Variants in DCLK1 observed in about 807,000 individuals in gnomAD.
DCLK1 encodes doublecortin like kinase 1.
In DCLK1, 16 loss-of-function variants were observed where a neutral mutation model predicts 86.2. The observed-to-expected ratio is 0.19, with a 90% CI of 0.13 to 0.28. The LOEUF (loss-of-function observed/expected upper bound fraction) is 0.28. Ranked by LOEUF, DCLK1 falls within the 10% of genes least tolerant of loss-of-function variation. DCLK1 has a pLI of 1.00. For missense variants in DCLK1, 590 were observed against 940.2 expected, an observed-to-expected ratio of 0.63 and a Z score of 4.87; for synonymous variants, 369 against 370.5, an observed-to-expected ratio of 1.00 and a Z score of 0.05.
chr13:35,971,809 T>C (rs1367992369), intron 3 of DCLK1, among the ~76,000 whole-genome samples: 3 of 151,822 alleles, frequency 2.0e-5, no homozygotes, highest in Non-Finnish European at 4.4e-5. Flanking sequence ...TCCCTGTTAA[T>C]GCTGGGCCCT....
chr13:35,872,783 T>C (rs1872360655), intron 4 of DCLK1, among the ~76,000 whole-genome samples: 1 of 152,190 alleles, frequency 6.6e-6, no homozygotes, highest in African/African-American at 2.4e-5. Flanking sequence ...CTAACATTTT[T>C]AATAGTGTAA....
chr13:35,847,099 A>G, intron 6 of DCLK1: 1 of 979,300 alleles, frequency 1.0e-6, no homozygotes. Context: ...AAAAAATCAT[A>G]GTATTCGATC....
At chr13:36,021,629 C>G (rs937184282) in intron 3 of DCLK1, among the ~76,000 whole-genome samples, 1 of 151,940 alleles carries the variant, frequency 6.6e-6, no homozygotes, top group African/African-American at 2.4e-5. Flanking sequence ...AATTTTAAGG[C>G]AAAAATTGTT....
chr13:36,015,868 A>C (rs1881519515), intron 3 of DCLK1, among the ~76,000 whole-genome samples: 1 of 152,162 alleles, frequency 6.6e-6, no homozygotes, highest in South Asian at 2.1e-4. Context: ...AAAAACATCA[A>C]TTTGTTAGAA....
intron 3 of DCLK1, among the ~76,000 whole-genome samples, chr13:36,098,132 T>C (rs1211354120): frequency 6.6e-6 from 1 of 152,208 alleles, no homozygotes; most frequent in Non-Finnish European, 1.5e-5. Flanking sequence ...CATTTATTGA[T>C]ATTATCCCTG....
chr13:35,807,704 C>T (rs2087056662), intron 14 of DCLK1, among the ~76,000 whole-genome samples: 1 of 152,150 alleles, frequency 6.6e-6, no homozygotes, highest in South Asian at 2.1e-4. Flanking sequence ...TTATATCTAT[C>T]TTTTTTTGGG....
chr13:35,905,787 A>T (rs953921292), intron 4 of DCLK1, among the ~76,000 whole-genome samples: 1 of 152,004 alleles, frequency 6.6e-6, no homozygotes, highest in African/African-American at 2.4e-5. Flanking sequence ...CTCTACTAAA[A>T]ATCCAAAAAA....
At chr13:35,949,884 C>T (rs150140686) in intron 3 of DCLK1, among the ~76,000 whole-genome samples, 34 of 120,250 alleles carry the variant, frequency 2.8e-4, no homozygotes, top group African/African-American at 8.9e-4. Flanking sequence ...ATGTTCTTTC[C>T]AACACTGAGA....
At chr13:36,082,999 TTAA>T (rs1884471341) in intron 3 of DCLK1, among the ~76,000 whole-genome samples, 1 of 147,398 alleles carries the variant, frequency 6.8e-6, no homozygotes, top group African/African-American at 2.4e-5. Flanking sequence ...AGTTGCTTCT[TTAA>T]ATATCTTCTG....
chr13:35,798,529 G>C (rs898253922), intron 15 of DCLK1, among the ~76,000 whole-genome samples: 2 of 152,150 alleles, frequency 1.3e-5, no homozygotes, highest in African/African-American at 4.8e-5. Context: ...CAGTGTGCTT[G>C]ACTCCTGTTA....
chr13:36,018,682 T>C (rs2153149997), intron 3 of DCLK1, among the ~76,000 whole-genome samples: 1 of 152,324 alleles, frequency 6.6e-6, no homozygotes, highest in South Asian at 2.1e-4. Flanking sequence ...TAATTATTTA[T>C]GGAAGAATAT....
At chr13:35,978,203 CTT>C (rs11311688) in intron 3 of DCLK1, among the ~76,000 whole-genome samples, 307 of 82,716 alleles carry the variant, frequency 3.7e-3, no homozygotes, top group African/African-American at 0.014. Flanking sequence ...CTTTTCTTTT[CTT>C]TTTTTTTTTT....
At chr13:35,789,079 CT>C in intron 16 of DCLK1, among the ~76,000 whole-genome samples, 1 of 152,256 alleles carries the variant, frequency 6.6e-6, no homozygotes, top group South Asian at 2.1e-4. Flanking sequence ...AAGATGTTAG[CT>C]TTTGGGTACC....
At chr13:35,796,307 T>C (rs2086810588) in intron 15 of DCLK1, among the ~76,000 whole-genome samples, 1 of 152,206 alleles carries the variant, frequency 6.6e-6, no homozygotes, top group South Asian at 2.1e-4. Flanking sequence ...GAAAGGTTTT[T>C]CTTTTTAGGA....
At chr13:35,985,263 C>T (rs1163326742) in intron 3 of DCLK1, among the ~76,000 whole-genome samples, 1 of 152,142 alleles carries the variant, frequency 6.6e-6, no homozygotes, top group Non-Finnish European at 1.5e-5. Context: ...GGAAACAATG[C>T]CTCCTGTGAA....
intron 15 of DCLK1, among the ~76,000 whole-genome samples, chr13:35,799,593 T>C (rs1389652897): frequency 1.3e-5 from 2 of 152,232 alleles, no homozygotes; most frequent in East Asian, 3.9e-4. Context: ...AATAATTTGA[T>C]GTAAAACATA....
In DCLK1 at chr13:35,774,359, T is replaced by A; in HGVS notation, c.*176A>T. On this transcript the variant is annotated 3_prime_UTR_variant, in exon 17 of 17. Transcript: ENST00000360631. ...AATTACCATCTTCACAATCACCACG[T>A]GTCATCTTATTCAGTAAAGGGAAAC... 1 of 806,894 alleles carries A rather than the reference T, an allele frequency of 1.2e-6. No homozygotes were observed. Among genetic ancestry groups the A allele is most frequent in the Non-Finnish European group, 1.9e-6 (1 of 530,892 alleles). The allele number at this position is 806,894 out of a possible 1,614,324, so 50.0% of individuals were successfully genotyped here.
At chr13:35,989,405 G>A (rs955194257) in intron 3 of DCLK1, among the ~76,000 whole-genome samples, 1 of 151,188 alleles carries the variant, frequency 6.6e-6, no homozygotes, top group South Asian at 2.1e-4. Flanking sequence ...CTGAGTATCT[G>A]GGATTACAGG....
At chr13:35,781,543 C>T (rs9545332) in intron 16 of DCLK1, among the ~76,000 whole-genome samples, 42,410 of 152,122 alleles carry the variant, frequency 0.28, 7,163 homozygotes, top group East Asian at 0.5. Flanking sequence ...GATGTACTCA[C>T]TTTCATTGTG....
Sources: gnomAD v4.1 joint callset for allele counts (sites outside exome capture counted in the v4.1 genomes callset) on GRCh38, gnomAD v4.1.1 for gene constraint, MANE v1.5 for transcripts, NCBI Gene and HGNC (gene_info 2026-07-23, HGNC 2026-07-21) for gene names.